Variants in GPC6 observed in about 807,000 individuals in gnomAD.
GPC6 encodes the protein glypican-6.
In GPC6, 14 loss-of-function variants were observed where a neutral mutation model predicts 55.2. That is an observed-to-expected ratio of 0.25 (90% CI 0.17 to 0.40). GPC6 has a LOEUF of 0.40. Among genes scored for constraint, GPC6 ranks in the 10% least tolerant of loss-of-function variants. The pLI, the probability that GPC6 is intolerant of heterozygous loss-of-function variation, is 1.00. For missense variants in GPC6, 641 were observed against 708.5 expected (o/e 0.90, Z 1.08); for synonymous variants, 278 against 259.6 (o/e 1.07, Z -0.68).
At chr13:93,904,442 A>G (rs1639180694) in intron 3 of GPC6, among the ~76,000 whole-genome samples, 1 of 152,188 alleles carries the variant, frequency 6.6e-6, no homozygotes, top group Non-Finnish European at 1.5e-5. Context: ...ATTATAATAT[A>G]GTGTGCAATG....
At chr13:93,898,731 T>C (rs1350680029) in intron 3 of GPC6, among the ~76,000 whole-genome samples, 2 of 151,792 alleles carry the variant, frequency 1.3e-5, no homozygotes, top group Non-Finnish European at 2.9e-5. Flanking sequence ...GAATAAGTTG[T>C]GAAGAAATAT....
intron 1 of GPC6, among the ~76,000 whole-genome samples, chr13:93,323,696 T>C (rs998376531): frequency 1.3e-5 from 2 of 152,196 alleles, no homozygotes; most frequent in Non-Finnish European, 2.9e-5. Flanking sequence ...GCATGGACCC[T>C]GCACCCAAGG....
At chr13:93,962,749 A>G (rs886970768) in intron 3 of GPC6, among the ~76,000 whole-genome samples, 6 of 152,204 alleles carry the variant, frequency 3.9e-5, no homozygotes, top group Non-Finnish European at 5.9e-5. Context: ...AGTGGCTTCA[A>G]TGTATTATTA....
In GPC6 at chr13:93,227,559, C is replaced by G; in HGVS notation, c.103C>G (p.Gln35Glu). The G allele has an allele frequency of 6.2e-7, 1 of 1,613,056 alleles. No individual in the cohort carries two copies. Among genetic ancestry groups the G allele is most frequent in the South Asian group, 1.1e-5 (1 of 91,082 alleles). Residue 35 changes from glutamine to glutamate, a missense_variant, in exon 1 of 9, where the codon CAG becomes GAG. Gln to Glu is a conservative substitution (Grantham distance 29). Coordinates refer to ENST00000377047, the MANE Select transcript of GPC6 (RefSeq NM_005708.5). This position sits in a 1 kb window ranked among gnomAD's most constrained non-coding sequence, Gnocchi z 4.3. ...GGCTCGGAGCTGCGGAGAGGTCCGCCAGGCGTACGGTGCCAAGGGATTCAG... is the reference window on the plus strand; with the variant it reads ...GGCTCGGAGCTGCGGAGAGGTCCGCGAGGCGTACGGTGCCAAGGGATTCAG... ...VKARSCGEVR[Q>E]AYGAKGFSLA...
chr13:93,649,116 G>A (rs1446351164), intron 2 of GPC6, among the ~76,000 whole-genome samples: 1 of 151,986 alleles, frequency 6.6e-6, no homozygotes, highest in Non-Finnish European at 1.5e-5. Flanking sequence ...CATTTTTATA[G>A]GTAAAAAACA....
chr13:94,104,360 A>G (rs1197438083), intron 4 of GPC6, among the ~76,000 whole-genome samples: 1 of 152,176 alleles, frequency 6.6e-6, no homozygotes, highest in African/African-American at 2.4e-5. Flanking sequence ...CACAGCCAAT[A>G]TCATACTGAA....
rs912687804 is a variant in GPC6 at position 93,388,406 on chromosome 13, G to T, written c.161-156857G>T. Reference sequence around the variant, plus strand: ...GTTCAATCCCTTGGGGGCTCAAATTGTTTCTTCAGACTCCTGGCAACTTGG... The same window carrying T: ...GTTCAATCCCTTGGGGGCTCAAATTTTTTCTTCAGACTCCTGGCAACTTGG... On this transcript the variant is annotated intron_variant, in intron 1 of 8. Coordinates refer to ENST00000377047, the MANE Select transcript of GPC6 (RefSeq NM_005708.5). Among the ~76,000 whole-genome samples the T allele has an allele frequency of 6.6e-5, 10 of 152,264 alleles. No homozygotes were observed. The East Asian group carries it at 7.7e-4, about 12-fold the overall frequency.
intron 5 of GPC6, among the ~76,000 whole-genome samples, chr13:94,288,938 GATAGATAGATAGATAT>G (rs1198873653): frequency 1.0e-3 from 19 of 18,744 alleles, no homozygotes; most frequent in South Asian, 3.1e-3. Context: ...AATATAGATA[GATAGATAGATAGATAT>G]ATAGATAGAT....
At chr13:93,760,729 G>A (rs1345057938) in intron 2 of GPC6, among the ~76,000 whole-genome samples, 1 of 152,144 alleles carries the variant, frequency 6.6e-6, no homozygotes, top group Non-Finnish European at 1.5e-5. Context: ...GCTTTCTCCT[G>A]CATTCACCTA....
intron 2 of GPC6, among the ~76,000 whole-genome samples, chr13:93,763,524 C>A (rs1566523020): frequency 6.6e-6 from 1 of 152,172 alleles, no homozygotes; most frequent in Non-Finnish European, 1.5e-5. Flanking sequence ...TTTCCATTAC[C>A]ATCAGGCATC....
intron 5 of GPC6, among the ~76,000 whole-genome samples, chr13:94,299,773 T>A (rs1200074797): frequency 6.6e-6 from 1 of 152,224 alleles, no homozygotes; most frequent in Non-Finnish European, 1.5e-5. Flanking sequence ...GCCACCAGAA[T>A]GCACTGATAA....
At chr13:93,874,663 C>T (rs1889234787) in intron 3 of GPC6, among the ~76,000 whole-genome samples, 1 of 150,902 alleles carries the variant, frequency 6.6e-6, no homozygotes, top group Non-Finnish European at 1.5e-5. Flanking sequence ...GTCTGTCCAA[C>T]TAGATAGACT....
intron 1 of GPC6, among the ~76,000 whole-genome samples, chr13:93,274,825 G>A (rs767885666): frequency 3.9e-5 from 6 of 152,124 alleles, no homozygotes; most frequent in African/African-American, 7.2e-5. Context: ...ATGTATATTA[G>A]TAATACATCA....
chr13:93,517,251 A>T (rs1881239891), intron 1 of GPC6, among the ~76,000 whole-genome samples: 1 of 152,132 alleles, frequency 6.6e-6, no homozygotes. Flanking sequence ...ACTTAGGAAG[A>T]ACAAATGTAA....
chr13:94,180,212 C>T (rs901527858), intron 4 of GPC6, among the ~76,000 whole-genome samples: 1 of 152,168 alleles, frequency 6.6e-6, no homozygotes, highest in African/African-American at 2.4e-5. Flanking sequence ...TACACAGACA[C>T]ATCCTATGAC....
chr13:93,818,237 C>T (rs1886930931), intron 2 of GPC6, among the ~76,000 whole-genome samples: 1 of 151,508 alleles, frequency 6.6e-6, no homozygotes, highest in Middle Eastern at 3.2e-3. Context: ...CTTACATTTG[C>T]TCTTATTTAG....
intron 2 of GPC6, among the ~76,000 whole-genome samples, chr13:93,670,390 A>G (rs1881312773): frequency 6.6e-6 from 1 of 152,220 alleles, no homozygotes; most frequent in African/African-American, 2.4e-5. Context: ...ACACTTTTAA[A>G]TTATTTCCTG....
upstream of GPC6, among the ~76,000 whole-genome samples, chr13:93,225,092 A>C (rs1310310934): frequency 6.6e-6 from 1 of 152,310 alleles, no homozygotes; most frequent in South Asian, 2.1e-4. Flanking sequence ...CTTTACCTCC[A>C]TTTAAAATAA....
chr13:93,778,417 C>T (rs117849424), intron 2 of GPC6, among the ~76,000 whole-genome samples: 1,763 of 152,222 alleles, frequency 0.012, 21 homozygotes, highest in Non-Finnish European at 0.018. Flanking sequence ...CATGCAAATA[C>T]ACTCACTAAC....
Sources: allele counts gnomAD v4.1 joint callset (sites outside exome capture counted in the v4.1 genomes callset), GRCh38; gene constraint gnomAD v4.1.1; non-coding constraint Gnocchi (gnomAD v3.1); transcripts MANE v1.5; gene names NCBI Gene and HGNC (gene_info 2026-07-23, HGNC 2026-07-21).